GPAM: variants seen among roughly 807,000 people sequenced by gnomAD.
GPAM encodes glycerol-3-phosphate acyltransferase, mitochondrial.
Under a neutral mutation model 105.0 loss-of-function variants are expected in GPAM, and 56 were observed. That is an observed-to-expected ratio of 0.53 (90% CI 0.43 to 0.67). The LOEUF is 0.67. Ranked by LOEUF, GPAM falls within the 30% of genes least tolerant of loss-of-function variation. GPAM has a pLI of 0.00. For missense variants in GPAM, 855 were observed against 989.8 expected (o/e 0.86, Z 1.83); for synonymous variants, 368 against 354.4 (o/e 1.04, Z -0.43).
chr10:112,207,200 C>T (rs929181498), intron 1 of GPAM, among the ~76,000 whole-genome samples: 8 of 152,140 alleles, frequency 5.3e-5, no homozygotes, highest in Non-Finnish European at 8.8e-5. Context: ...TGCTTAGAGA[C>T]AGGACACTGC....
At chr10:112,172,843 A>C in intron 8 of GPAM, 127 bp downstream of exon 8, 1 of 711,494 alleles carries the variant, frequency 1.4e-6, no homozygotes, top group Non-Finnish European at 2.6e-6. Context: ...AAGTTATCAT[A>C]AATGAGGGAA....
chr10:112,161,445 G>GTAC (rs1158770409), intron 15 of GPAM, among the ~76,000 whole-genome samples: 1 of 152,184 alleles, frequency 6.6e-6, no homozygotes, highest in African/African-American at 2.4e-5. Flanking sequence ...CAATAGCTTA[G>GTAC]TACTATATAT....
At chr10:112,162,171 G>C (rs1472081132) in intron 14 of GPAM, among the ~76,000 whole-genome samples, 1 of 152,124 alleles carries the variant, frequency 6.6e-6, no homozygotes, top group African/African-American at 2.4e-5. Flanking sequence ...TTAAAACGAA[G>C]GTGTAGTAGA....
chr10:112,175,216 TA>T (rs1847382153), intron 6 of GPAM, among the ~76,000 whole-genome samples: 5 of 152,172 alleles, frequency 3.3e-5, no homozygotes, highest in African/African-American at 1.2e-4. Flanking sequence ...AGATACTCAG[TA>T]ACTGGCAAAA....
In GPAM at chr10:112,151,184, T is replaced by C. The variant is rs779727866; in HGVS notation, c.*2366A>G. 97 of 982,668 alleles carry C rather than the reference T, an allele frequency of 9.9e-5. No individual in the cohort carries two copies. The highest frequency in any genetic ancestry group is 5.2e-4 in the Middle Eastern group (1 of 1,926). The allele number at this position is 982,668 out of a possible 1,614,324, so 60.9% of individuals were successfully genotyped here. A position where few individuals can be genotyped will look rare whatever the true frequency, so the allele number is the denominator to read the frequency against. ...TGCATTTCATGTTACAGAAATGCGA[T>C]AGAGTAAACTGTAATAAATTATTTA... On this transcript the variant is annotated 3_prime_UTR_variant, in exon 22 of 22. Coordinates refer to ENST00000348367, the MANE Select transcript of GPAM (RefSeq NM_001244949.2).
intron 8 of GPAM, 65 bp from the exon 9 acceptor site, chr10:112,172,383 C>T: frequency 7.5e-7 from 1 of 1,327,354 alleles, no homozygotes; most frequent in Non-Finnish European, 1.1e-6. Flanking sequence ...TTTGCAACTG[C>T]ATATTTGGCT....
At chr10:112,196,172 G>A (rs564758976) in intron 1 of GPAM, among the ~76,000 whole-genome samples, 1 of 152,318 alleles carries the variant, frequency 6.6e-6, no homozygotes, top group South Asian at 2.1e-4. Flanking sequence ...GGCATGGCTA[G>A]AGACTTATTT....
At chr10:112,160,379 C>A in intron 16 of GPAM, 1 of 971,272 alleles carries the variant, frequency 1.0e-6, no homozygotes, top group Non-Finnish European at 1.2e-6. Context: ...AGACACTCTA[C>A]CTCTCCTGAA....
intron 1 of GPAM, among the ~76,000 whole-genome samples, chr10:112,192,089 C>T (rs1847666984): frequency 6.6e-6 from 1 of 152,138 alleles, no homozygotes; most frequent in South Asian, 2.1e-4. Flanking sequence ...ACAACACAAG[C>T]AACAGGGTAA....
the GPAM span, among the ~76,000 whole-genome samples, chr10:112,225,346 A>G: frequency 6.6e-6 from 1 of 152,202 alleles, no homozygotes; most frequent in East Asian, 1.9e-4. Context: ...GGTGGGGACC[A>G]TTGAGTCAAG....
At chr10:112,194,768 T>C (rs1186138341) in intron 1 of GPAM, among the ~76,000 whole-genome samples, 1 of 152,134 alleles carries the variant, frequency 6.6e-6, no homozygotes, top group African/African-American at 2.4e-5. Flanking sequence ...AACCTTGTGC[T>C]CTCCTGCATT....
rs559477400 is a variant in GPAM, at chr10:112,151,113, GTTTT to G, written c.*2433_*2436del. ...CTGCAGTTTCATGTTGTTTAATATT[GTTTT>G]TTTTTTTTAACTTGACCACAGTCTT... On this transcript the variant is annotated 3_prime_UTR_variant, in exon 22 of 22. Coordinates refer to ENST00000348367, the MANE Select transcript of GPAM (RefSeq NM_001244949.2). The G allele has an allele frequency of 1.6e-5, 12 of 740,396 alleles. No individual in the cohort carries two copies. Among genetic ancestry groups the G allele is most frequent in the Non-Finnish European group, 1.8e-5 (11 of 609,434 alleles). The allele number at this position is 740,396 out of a possible 1,614,324, so 45.9% of individuals were successfully genotyped here. A position where few individuals can be genotyped will look rare whatever the true frequency, so the allele number is the denominator to read the frequency against.
chr10:112,177,158 G>C (rs1176997621), intron 5 of GPAM, among the ~76,000 whole-genome samples: 1 of 152,090 alleles, frequency 6.6e-6, no homozygotes, highest in African/African-American at 2.4e-5. Context: ...CATGTACTTA[G>C]ACTTAAGTTC....
chr10:112,156,901 C>A, intron 19 of GPAM: 1 of 429,536 alleles, frequency 2.3e-6, no homozygotes, highest in Non-Finnish European at 4.1e-6. Context: ...GCAAGAGTGA[C>A]TCAAAAAGAG....
At chr10:112,168,826 C>T (rs749563323) in intron 10 of GPAM, 27 bp downstream of exon 10, 4 of 1,356,394 alleles carry the variant, frequency 2.9e-6, no homozygotes, top group Non-Finnish European at 4.2e-6. Context: ...CACAATGTCC[C>T]TAAGGATAAT....
rs745485271 is a variant in GPAM, at chr10:112,160,011, C to G, written c.1802G>C (p.Gly601Ala). The G allele has an allele frequency of 6.2e-7, 1 of 1,612,166 alleles. No homozygotes were observed. The highest frequency in any genetic ancestry group is 8.5e-7 in the Non-Finnish European group (1 of 1,178,338). ...CAGGTTAGGTGGGGTGCTAGTGGGA[C>G]CCCCCAGTCCCCTCTTGTTCAGAAC... ...YAVLNKRGLG[G>A]PTSTPPNLIS... The change falls in exon 17 of 22, where the codon GGT becomes GCT. Residue 601 changes from glycine (G) to alanine (A), a missense_variant. Coordinates refer to ENST00000348367, the MANE Select transcript of GPAM (RefSeq NM_001244949.2).
At chr10:112,214,485 G>T (rs1034458971) in intron 1 of GPAM, 3 of 152,114 alleles carry the variant, frequency 2.0e-5, no homozygotes, top group African/African-American at 7.2e-5. Flanking sequence ...AAATCCTGCT[G>T]GCCCCATATG....
Position 112,163,758 on chromosome 10 carries a change from T to C in GPAM, c.1366A>G (p.Thr456Ala), listed in dbSNP as rs138985228. The change falls in exon 14 of 22, where the codon ACA becomes GCA. Residue 456 changes from threonine to alanine, a missense_variant. Physicochemically the swap from Thr to Ala is moderately conservative, Grantham distance 58 (BLOSUM62 0). Transcript: ENST00000348367. ...AACCTCCTTCGTAGGGATTCATCTG[T>C]TGCATTTCTGGACTCATTAATGGAC... Reference protein sequence around the residue: ...DTSINESRNATDESLRRRLIA... With the variant: ...DTSINESRNAADESLRRRLIA... 8.7e-6 allele frequency: 14 copies of C among 1,607,348 alleles called. No individual in the cohort carries two copies. Among genetic ancestry groups the C allele is most frequent in the Non-Finnish European group, 1.2e-5 (14 of 1,173,930 alleles).
intron 1 of GPAM, among the ~76,000 whole-genome samples, chr10:112,210,111 C>G (rs1285300627): frequency 6.6e-6 from 1 of 152,166 alleles, no homozygotes; most frequent in African/African-American, 2.4e-5. Context: ...AGTTGGAGAA[C>G]CCAGTACCAC....
Sources: allele counts gnomAD v4.1 joint callset (sites outside exome capture counted in the v4.1 genomes callset), GRCh38; gene constraint gnomAD v4.1.1; transcripts MANE v1.5; gene names NCBI Gene and HGNC (gene_info 2026-07-23, HGNC 2026-07-21).